Variants in SORCS3 observed in about 807,000 individuals in gnomAD.
SORCS3 encodes VPS10 domain-containing receptor SorCS3.
In SORCS3, 57 loss-of-function variants were observed where a neutral mutation model predicts 146.3. The observed-to-expected ratio is 0.39, with a 90% confidence interval of 0.31 to 0.49. The LOEUF (loss-of-function observed/expected upper bound fraction) is 0.49, where lower values mean the gene tolerates loss of function less well. SORCS3 is among the 20% of genes least tolerant of loss of function. The pLI, the probability that SORCS3 is intolerant of heterozygous loss-of-function variation, is 0.92. For missense variants in SORCS3, 1,341 were observed against 1,575.5 expected (o/e 0.85, Z 2.52); for synonymous variants, 653 against 618.5 (o/e 1.06, Z -0.83).
chr10:105,155,165 G>T (rs1182155233), intron 9 of SORCS3, among the ~76,000 whole-genome samples: 1 of 152,170 alleles, frequency 6.6e-6, no homozygotes, highest in Non-Finnish European at 1.5e-5. Flanking sequence ...TCCAAATGGT[G>T]AAGTGCTCAG....
At chr10:104,747,269 C>G (rs1029347653) in intron 1 of SORCS3, among the ~76,000 whole-genome samples, 4 of 152,194 alleles carry the variant, frequency 2.6e-5, no homozygotes, top group Non-Finnish European at 5.9e-5. Context: ...TTTGTCCTAC[C>G]ATGATTTCTG....
chr10:105,040,187 TA>T (rs2055330375), intron 4 of SORCS3, among the ~76,000 whole-genome samples: 1 of 152,202 alleles, frequency 6.6e-6, no homozygotes, highest in South Asian at 2.1e-4. Flanking sequence ...CAATAAAATA[TA>T]TGGATATATT....
chr10:105,143,244 A>G (rs1401974263), intron 8 of SORCS3, among the ~76,000 whole-genome samples: 1 of 152,064 alleles, frequency 6.6e-6, no homozygotes, highest in Non-Finnish European at 1.5e-5. Context: ...TCCCTTTGGT[A>G]GTTTTTTTTT....
At chr10:104,766,870 A>C (rs1404621446) in intron 1 of SORCS3, among the ~76,000 whole-genome samples, 1 of 152,176 alleles carries the variant, frequency 6.6e-6, no homozygotes, top group Non-Finnish European at 1.5e-5. Flanking sequence ...TTTCCACCCA[A>C]AGGGTGCATA....
intron 6 of SORCS3, among the ~76,000 whole-genome samples, chr10:105,103,981 T>C (rs2133752196): frequency 6.6e-6 from 1 of 152,314 alleles, no homozygotes; most frequent in East Asian, 1.9e-4. Flanking sequence ...ACCCAATATG[T>C]AGTGTGTGCA....
intron 4 of SORCS3, among the ~76,000 whole-genome samples, chr10:105,028,563 A>G (rs1389304104): frequency 6.6e-6 from 1 of 152,166 alleles, no homozygotes; most frequent in African/African-American, 2.4e-5. Flanking sequence ...GTTTGAGCAC[A>G]TGGGCCATGA....
intron 1 of SORCS3, among the ~76,000 whole-genome samples, chr10:104,653,714 G>A (rs1426564279): frequency 6.6e-6 from 1 of 152,196 alleles, no homozygotes; most frequent in African/African-American, 2.4e-5. Context: ...CGATACGTGA[G>A]ATGTTTTGGT....
intron 2 of SORCS3, among the ~76,000 whole-genome samples, chr10:104,846,441 C>G (rs767317086): frequency 3.9e-5 from 6 of 152,288 alleles, no homozygotes; most frequent in Middle Eastern, 3.4e-3. Context: ...ACATGCTTAA[C>G]CAAGTTGAAA....
chr10:104,685,899 A>G (rs1421667556), intron 1 of SORCS3, among the ~76,000 whole-genome samples: 1 of 152,144 alleles, frequency 6.6e-6, no homozygotes, highest in East Asian at 1.9e-4. Context: ...CTGAGATAGG[A>G]TAAGTTTTTG....
In SORCS3 at chr10:105,247,249, C is replaced by T. The variant is rs1452213402; in HGVS notation, c.3023C>T (p.Ser1008Phe). The T allele has an allele frequency of 6.2e-7, 1 of 1,609,896 alleles. No homozygotes were observed. The highest frequency in any genetic ancestry group is 8.5e-7 in the Non-Finnish European group (1 of 1,176,596). Residue 1008 changes from serine (S) to phenylalanine (F), a missense_variant, in exon 22 of 27, where the codon TCT (serine) becomes TTT (phenylalanine). Physicochemically the swap from Ser to Phe is radical, Grantham distance 155. Transcript: ENST00000369701. ...EYFQSQLLSF[S>F]PNLDYHNPDI... ...TTCCAGTCCCAGCTTTTATCATTCT[C>T]TCCTAATCTGGATTACCACAATCCT...
chr10:104,834,347 A>C (rs2018041604), intron 1 of SORCS3, among the ~76,000 whole-genome samples: 1 of 150,872 alleles, frequency 6.6e-6, no homozygotes, highest in Non-Finnish European at 1.5e-5. Context: ...TATCTCCCTC[A>C]CCTCCCCTCC....
At chr10:105,044,081 A>C (rs538852144) in intron 5 of SORCS3, among the ~76,000 whole-genome samples, 1 of 152,130 alleles carries the variant, frequency 6.6e-6, no homozygotes, top group Non-Finnish European at 1.5e-5. Flanking sequence ...TGAAAAAAAA[A>C]GATTTGGTTA....
intron 2 of SORCS3, among the ~76,000 whole-genome samples, chr10:104,904,480 C>T (rs1385412905): frequency 1.3e-5 from 2 of 150,346 alleles, no homozygotes; most frequent in African/African-American, 2.4e-5. Context: ...TTATGTCTGA[C>T]AACACACATT....
chr10:105,179,259 C>A (rs1473994477), intron 14 of SORCS3, among the ~76,000 whole-genome samples: 1 of 152,154 alleles, frequency 6.6e-6, no homozygotes, highest in Non-Finnish European at 1.5e-5. Flanking sequence ...TATTCCCTAG[C>A]AAGTTTAAGG....
chr10:104,933,074 A>G (rs1192024332), intron 3 of SORCS3, among the ~76,000 whole-genome samples: 16 of 152,106 alleles, frequency 1.1e-4, no homozygotes, highest in African/African-American at 2.4e-4. Flanking sequence ...GCTACTTTCC[A>G]TAAAATAGGA....
At chr10:104,722,023 G>A (rs1016902572) in intron 1 of SORCS3, among the ~76,000 whole-genome samples, 9 of 152,164 alleles carry the variant, frequency 5.9e-5, no homozygotes, top group African/African-American at 2.2e-4. Flanking sequence ...TGTTGAATAG[G>A]AGTGATGAGA....
At chr10:105,234,499 A>G (rs886404890) in intron 20 of SORCS3, among the ~76,000 whole-genome samples, 1 of 147,900 alleles carries the variant, frequency 6.8e-6, no homozygotes, top group African/African-American at 2.5e-5. Flanking sequence ...TTCACATTAC[A>G]TGCATTTATA....
intron 1 of SORCS3, chr10:104,822,106 G>T (rs1234200654): frequency 7.7e-6 from 4 of 518,312 alleles, no homozygotes; most frequent in South Asian, 5.6e-5. Flanking sequence ...GCTCCTCTGT[G>T]ATTCTTATTT....
chr10:105,040,588 G>A (rs2055332325), intron 4 of SORCS3, among the ~76,000 whole-genome samples: 1 of 152,096 alleles, frequency 6.6e-6, no homozygotes, highest in African/African-American at 2.4e-5. Flanking sequence ...TTGACATGGT[G>A]TGTCTGTAAG....
Sources: allele counts gnomAD v4.1 joint callset (sites outside exome capture counted in the v4.1 genomes callset), GRCh38; gene constraint gnomAD v4.1.1; transcripts MANE v1.5; gene names NCBI Gene and HGNC (gene_info 2026-07-23, HGNC 2026-07-21).